Variants in UBN1 observed in about 807,000 individuals in gnomAD.
The protein encoded by UBN1 is ubinuclein 1.
In UBN1, 17 loss-of-function variants were observed where a neutral mutation model predicts 108.5. That is an observed-to-expected ratio of 0.16 (90% CI 0.11 to 0.24). The LOEUF (loss-of-function observed/expected upper bound fraction) is 0.24, where lower values mean the gene tolerates loss of function less well. Among genes scored for constraint, UBN1 ranks in the 10% least tolerant of loss-of-function variants. The pLI, the probability that UBN1 is intolerant of heterozygous loss-of-function variation, is 1.00. For missense variants in UBN1, 1,595 were observed against 1,394.4 expected (o/e 1.14, Z -2.29); for synonymous variants, 726 against 564.2 (o/e 1.29, Z -4.07).
chr16:4,853,399 C>G (rs1219978539), intron 2 of UBN1, among the ~76,000 whole-genome samples: 1 of 152,290 alleles, frequency 6.6e-6, no homozygotes, highest in African/African-American at 2.4e-5. Flanking sequence ...ATACATTTTT[C>G]TCTGCCAAGG....
In UBN1 at chr16:4,875,406, G is replaced by A. The variant is rs747396567; in HGVS notation, c.2996G>A (p.Ser999Asn). Reference sequence around the variant, plus strand: ...CCGTCCCTAAAGCCCTCTGCAGTTAGTAGTGTGACATCGTCTACCTCCTTG... The same window carrying A: ...CCGTCCCTAAAGCCCTCTGCAGTTAATAGTGTGACATCGTCTACCTCCTTG... ...TSPSLKPSAV[S>N]SVTSSTSLSK... The change falls in exon 15 of 18, where the codon AGT becomes AAT. Residue 999 changes from serine to asparagine, a missense_variant. This residue lies in a region of UBN1 where 1,398 missense variants were observed against 1,194.7 expected (regional missense o/e 1.17). Transcript: ENST00000262376. 7 of 1,613,202 alleles carry A rather than the reference G, an allele frequency of 4.3e-6. 1 individual carries two copies. Among genetic ancestry groups the A allele is most frequent in the South Asian group, 3.3e-5 (3 of 91,068 alleles).
rs1156810643 is a variant in UBN1 at position 4,858,069 on chromosome 16, A to G, written c.329A>G (p.Glu110Gly). 2 of 1,608,674 alleles carry G rather than the reference A, an allele frequency of 1.2e-6. No individual in the cohort carries two copies. The highest frequency in any genetic ancestry group is 1.7e-6 in the Non-Finnish European group (2 of 1,175,998). Residue 110 changes from glutamate to glycine, a missense_variant, in exon 3 of 18, where the codon GAA (glutamate) becomes GGA (glycine). Glu to Gly is a moderately conservative substitution (Grantham distance 98). This residue lies in a region of UBN1 where 181 missense variants were observed against 157.3 expected (regional missense o/e 1.15). Transcript: ENST00000262376. The part of the protein sequence containing the change: ...KVEALARKFE[E>G]KYGGKKRRKD... The stretch of plus-strand genomic sequence containing the variant: ...GAGGCCCTTGCCCGAAAATTTGAAG[A>G]AAAATACGTAAGATTTCTCTCTTGA...
rs1294142760 is a variant in UBN1 at position 4,880,877 on chromosome 16, AGTG to A, written c.*746_*748del. On this transcript the variant is annotated 3_prime_UTR_variant, in exon 18 of 18. Transcript: ENST00000262376. The stretch of plus-strand genomic sequence containing the variant: ...TCATATTATAGGAAGACATAATTCC[AGTG>A]CCTTTATGGTGGAGCAGAATTCGAC... 6.6e-6 allele frequency: 1 copy of A among 152,574 alleles called. No homozygotes were observed. Among genetic ancestry groups the A allele is most frequent in the Non-Finnish European group, 1.5e-5 (1 of 68,042 alleles). 9.5% of individuals were successfully genotyped at this position (152,574 alleles called of 1,614,324 possible). A position where few individuals can be genotyped will look rare whatever the true frequency, so the allele number is the denominator to read the frequency against.
At chr16:4,854,500 C>T (rs1032650215) in intron 2 of UBN1, among the ~76,000 whole-genome samples, 17 of 146,056 alleles carry the variant, frequency 1.2e-4, no homozygotes, top group African/African-American at 2.4e-4. Flanking sequence ...CCAGCCACCA[C>T]GCCTGGCTAA....
In UBN1 at chr16:4,867,324, C is replaced by T. The variant is rs575621516; in HGVS notation, c.1111-1509C>T. Among the ~76,000 whole-genome samples the T allele has an allele frequency of 4.6e-5, 7 of 152,250 alleles. No individual in the cohort carries two copies. The South Asian group carries it at 1.5e-3, about 32-fold the overall frequency. On this transcript the variant is annotated intron_variant, in intron 7 of 17. Transcript: ENST00000262376. ...CCTTGAACAACACAGGGTTTAACTG[C>T]GTGGATCCACTTACACGCAGATGTT...
chr16:4,867,059 C>T (rs371665044), intron 7 of UBN1, among the ~76,000 whole-genome samples: 1 of 152,096 alleles, frequency 6.6e-6, no homozygotes, highest in East Asian at 1.9e-4. Flanking sequence ...TGAAGATGGG[C>T]GAGTTGGTGG....
rs567197400 is a variant in UBN1, at chr16:4,881,281, T to G, written c.*1149T>G. The G allele has an allele frequency of 6.5e-6, 1 of 152,860 alleles. No homozygotes were observed. The highest frequency in any genetic ancestry group is 1.9e-4 in the East Asian group (1 of 5,194). 9.5% of individuals were successfully genotyped at this position (152,860 alleles called of 1,614,324 possible). ...CGGGTAGAAATAGGCCTTGAAGTCCTGGGGCTCTCCAGGCAGTGGGGTTAT... is the reference window on the plus strand; with the variant it reads ...CGGGTAGAAATAGGCCTTGAAGTCCGGGGGCTCTCCAGGCAGTGGGGTTAT... On this transcript the variant is annotated 3_prime_UTR_variant, in exon 18 of 18. Transcript: ENST00000262376.
At chr16:4,859,581 A>G (rs910835700) in intron 5 of UBN1, among the ~76,000 whole-genome samples, 9 of 152,320 alleles carry the variant, frequency 5.9e-5, no homozygotes, top group Admixed American at 3.3e-4. Flanking sequence ...ACCACTGCCT[A>G]TGTGTTTAAG....
rs1019705606 is a variant in UBN1 at position 4,877,438 on chromosome 16, G to A, written c.3319G>A (p.Ala1107Thr). 2.5e-6 allele frequency: 4 copies of A among 1,612,146 alleles called. No homozygotes were observed. Among genetic ancestry groups the A allele is most frequent in the African/African-American group, 1.3e-5 (1 of 75,036 alleles). ...SPPHAAPLPH[A>T]AVPTHIPQSL... is the part of the protein sequence containing the mutation. The stretch of plus-strand genomic sequence containing the variant: ...GCCCCATGCAGCGCCTCTCCCACAC[G>A]CTGCGGTGCCCACCCATATCCCGCA... Residue 1107 changes from alanine to threonine, a missense_variant, in exon 17 of 18, where the codon GCT becomes ACT. Physicochemically the swap from Ala to Thr is moderately conservative, Grantham distance 58. Around this residue, in one of 3 missense-constraint regions of UBN1, gnomAD observed 1,398 missense variants for 1,194.7 expected, o/e 1.17. Transcript: ENST00000262376. This position sits in a 1 kb window ranked among gnomAD's most constrained non-coding sequence, Gnocchi z 4.3.
intron 2 of UBN1, among the ~76,000 whole-genome samples, chr16:4,857,341 ACT>A (rs1190605257): frequency 1.4e-5 from 2 of 142,728 alleles, no homozygotes; most frequent in Admixed American, 7.2e-5. Flanking sequence ...ACAGAGTGAG[ACT>A]CTTATCTCAA....
chr16:4,879,705 C>T (rs2088022478), intron 17 of UBN1, among the ~76,000 whole-genome samples: 1 of 152,172 alleles, frequency 6.6e-6, no homozygotes, highest in African/African-American at 2.4e-5. Context: ...TTTACAGGAC[C>T]TGAGGGTCTT....
At chr16:4,880,010 T>G in intron 17 of UBN1, 73 bp from the exon 18 acceptor site, 1 of 1,547,102 alleles carries the variant, frequency 6.5e-7, no homozygotes, top group Non-Finnish European at 8.9e-7. Flanking sequence ...CCCTTGAAGT[T>G]TGGTTACTAC....
At chr16:4,853,271 G>A in intron 2 of UBN1, 105 bp downstream of exon 2, 1 of 1,464,094 alleles carries the variant, frequency 6.8e-7, no homozygotes, top group Non-Finnish European at 9.1e-7. Flanking sequence ...TGAGGTTTTG[G>A]CTGCCCCAAG....
chr16:4,878,763 C>T (rs1049786180), intron 17 of UBN1, among the ~76,000 whole-genome samples: 4 of 152,192 alleles, frequency 2.6e-5, no homozygotes, highest in African/African-American at 4.8e-5. Context: ...GTAATCCCAG[C>T]ACTTTGGGAG....
At chr16:4,873,521 T>C (rs1014361911) in intron 14 of UBN1, among the ~76,000 whole-genome samples, 18 of 152,200 alleles carry the variant, frequency 1.2e-4, no homozygotes, top group African/African-American at 4.3e-4. Flanking sequence ...AAAATTACCT[T>C]AGATGTTGCA....
Position 4,859,961 on chromosome 16 carries a change from A to G in UBN1, c.664A>G (p.Lys222Glu), listed in dbSNP as rs752358382. The change falls in exon 6 of 18, where the codon AAA becomes GAA. Residue 222 changes from lysine (K) to glutamate (E), a missense_variant. Transcript: ENST00000262376. ...GAAATCGAAAAAGTCCAAGTTTTCCAAAGCCGGGTGAGAGGCAGCAGCTTC... is the reference window on the plus strand; with the variant it reads ...GAAATCGAAAAAGTCCAAGTTTTCCGAAGCCGGGTGAGAGGCAGCAGCTTC... Reference protein sequence around the residue: ...EKKSKKSKFSKAGFTALNASK... With the variant: ...EKKSKKSKFSEAGFTALNASK... The G allele has an allele frequency of 6.2e-7, 1 of 1,614,176 alleles. No individual in the cohort carries two copies. The highest frequency in any genetic ancestry group is 2.2e-5 in the East Asian group (1 of 44,882).
At position 4,848,964 on chromosome 16, in the gene UBN1, G is replaced by C. The variant is rs189929672; in HGVS notation, c.-40+754G>C. On this transcript the variant is annotated intron_variant, in intron 1 of 17. Coordinates refer to ENST00000262376, the MANE Select transcript of UBN1 (RefSeq NM_001079514.3). ...TAAAAATACAAAATTAGCCGGGCGT[G>C]GTGGCGCATGCCTGTAGTCCCAGCT... Among the ~76,000 whole-genome samples the C allele has an allele frequency of 6.5e-3, 988 of 152,262 alleles. 19 individuals are homozygous for C. Among genetic ancestry groups the C allele is most frequent in the African/African-American group, 0.023 (944 of 41,530 alleles).
intron 2 of UBN1, among the ~76,000 whole-genome samples, chr16:4,854,336 C>CTTT (rs1430407282): frequency 9.5e-6 from 1 of 105,178 alleles, no homozygotes; most frequent in East Asian, 2.4e-4. Flanking sequence ...CCTGGCCTCT[C>CTTT]TTTTTTGTTG....
rs573612888 is a variant in UBN1 at position 4,877,055 on chromosome 16, A to G, written c.3209A>G (p.Lys1070Arg). 1.2e-6 allele frequency: 2 copies of G among 1,614,172 alleles called. No homozygotes were observed. The highest frequency in any genetic ancestry group is 1.7e-6 in the Non-Finnish European group (2 of 1,180,030). ...TCCTCTGCCAAAGCAGGGGTCTCCAAGGATGCCATCGTCACAGGCCCTGCC... is the reference window on the plus strand; with the variant it reads ...TCCTCTGCCAAAGCAGGGGTCTCCAGGGATGCCATCGTCACAGGCCCTGCC... ...ADSSAKAGVS[K>R]DAIVTGPAPG... is the part of the protein sequence containing the mutation. The change falls in exon 16 of 18, where the codon AAG becomes AGG. Residue 1070 changes from lysine (K) to arginine (R), a missense_variant. By Grantham distance (26) the Lys-to-Arg change is conservative (BLOSUM62 2). Transcript: ENST00000262376. This position sits in a 1 kb window ranked among gnomAD's most constrained non-coding sequence, Gnocchi z 4.3.
Sources: gnomAD v4.1 joint callset for allele counts (sites outside exome capture counted in the v4.1 genomes callset) on GRCh38, gnomAD v4.1.1 for gene constraint, gnomAD v4.1.1 regional missense constraint, Gnocchi (gnomAD v3.1) non-coding constraint, MANE v1.5 for transcripts, NCBI Gene and HGNC (gene_info 2026-07-23, HGNC 2026-07-21) for gene names.